Variants in GTPBP8 observed in about 807,000 individuals in gnomAD.
GTPBP8 encodes the protein GTP-binding protein 8.
Under a neutral mutation model 27.3 loss-of-function variants are expected in GTPBP8, and 21 were observed. The observed-to-expected ratio is 0.77, with a 90% CI of 0.55 to 1.11. GTPBP8 has a LOEUF of 1.11. Ranked by LOEUF, GTPBP8 falls within the 50% of genes least tolerant of loss-of-function variation. The probability of loss-of-function intolerance (pLI) is 0.00; values close to 1 mark genes in which losing one functional copy is unlikely to be tolerated. For synonymous variants in GTPBP8, 147 were observed against 135.3 expected, an observed-to-expected ratio of 1.09 and a Z score of -0.60; for missense variants, 380 against 350.8, an observed-to-expected ratio of 1.08 and a Z score of -0.67.
intron 5 of GTPBP8, among the ~76,000 whole-genome samples, chr3:113,000,203 A>G (rs1404537391): frequency 6.6e-6 from 1 of 152,180 alleles, no homozygotes; most frequent in Non-Finnish European, 1.5e-5. Context: ...AGCCTGGTCA[A>G]CATGGTGAAA....
chr3:112,992,776 C>T (rs760889792), intron 1 of GTPBP8, among the ~76,000 whole-genome samples: 1 of 152,188 alleles, frequency 6.6e-6, no homozygotes, highest in Non-Finnish European at 1.5e-5. Context: ...AATCCCAACT[C>T]CTTCACTTTC....
intron 2 of GTPBP8, among the ~76,000 whole-genome samples, chr3:112,994,555 A>G (rs1933749166): frequency 6.6e-6 from 1 of 152,208 alleles, no homozygotes; most frequent in Non-Finnish European, 1.5e-5. Flanking sequence ...ATGTTTTGTA[A>G]TTATCATGTT....
At chr3:112,995,084 G>C (rs2107367882) in intron 2 of GTPBP8, 51 bp from the exon 3 acceptor site, 2 of 1,362,472 alleles carry the variant, frequency 1.5e-6, no homozygotes, top group Non-Finnish European at 2.0e-6. Flanking sequence ...TCATTAACTA[G>C]ATGGAGGACA....
chr3:112,996,699 T>G (rs996603626), intron 3 of GTPBP8, among the ~76,000 whole-genome samples, 193 bp from the exon 4 acceptor site: 2 of 152,188 alleles, frequency 1.3e-5, no homozygotes, highest in African/African-American at 4.8e-5. Context: ...TTATTGAAAG[T>G]AAATAGCATT....
At position 113,000,874 on chromosome 3, in the gene GTPBP8, C is replaced by G; in HGVS notation, c.810C>G (p.His270Gln). 2.5e-6 allele frequency: 4 copies of G among 1,601,992 alleles called. No homozygotes were observed. Among genetic ancestry groups the G allele is most frequent in the Non-Finnish European group, 3.4e-6 (4 of 1,170,228 alleles). Residue 270 changes from histidine (H) to glutamine (Q), a missense_variant, in exon 6 of 6, where the codon CAC becomes CAG. Coordinates refer to ENST00000383678, the MANE Select transcript of GTPBP8 (RefSeq NM_014170.4). ...GTGCTGTGACCTTTTCTGGAATCCA[C>G]CTGTTGAGATGCTTTATAGCCAGTG... is the stretch of plus-strand genomic sequence containing the variant. ...PVSAVTFSGI[H>Q]LLRCFIASVT...
intron 1 of GTPBP8, chr3:112,991,639 A>G (rs1933683314): frequency 3.5e-6 from 2 of 570,500 alleles, no homozygotes. Flanking sequence ...GAATGAATAT[A>G]GAAGACTTCA....
rs556707691 is a variant in GTPBP8, at chr3:112,990,995, G to A, written c.-5G>A. 27 of 1,586,842 alleles carry A rather than the reference G, an allele frequency of 1.7e-5. No individual in the cohort carries two copies. The highest frequency in any genetic ancestry group is 1.2e-4 in the African/African-American group (9 of 74,262). On this transcript the variant is annotated 5_prime_UTR_variant, in exon 1 of 6. Transcript: ENST00000383678. ...ATCTCTCTGCCCGTCTTCTGGGAAG[G>A]GAGAATGGCGGCGCCCGGGCTGCGG...
Position 112,996,904 on chromosome 3 carries a change from A to T in GTPBP8, c.579A>T (p.Thr193=). The T allele has an allele frequency of 1.3e-6, 2 of 1,516,814 alleles. No homozygotes were observed. The highest frequency in any genetic ancestry group is 1.8e-6 in the Non-Finnish European group (2 of 1,092,568). 94.0% of individuals were successfully genotyped at this position (1,516,814 alleles called of 1,614,324 possible). The part of the protein sequence containing the change: ...YLKERRNLKR[T]FLLVDSVVGI... The stretch of plus-strand genomic sequence containing the variant: ...TACATGCTTATAGCTTGAAGAGAAC[A>T]TTTTTATTAGTGGATAGCGTTGTTG... The change falls in exon 4 of 6, where the codon ACA becomes ACT. Residue 193 remains threonine (T), a synonymous_variant. Coordinates refer to ENST00000383678, the MANE Select transcript of GTPBP8 (RefSeq NM_014170.4).
At position 112,991,203 on chromosome 3, in the gene GTPBP8, G is replaced by A; in HGVS notation, c.204G>A (p.Leu68=). Residue 68 remains leucine (L), a synonymous_variant, in exon 1 of 6, where the codon CTG becomes CTA. Coordinates refer to ENST00000383678, the MANE Select transcript of GTPBP8 (RefSeq NM_014170.4). The stretch of plus-strand genomic sequence containing the variant: ...CCTACGGGAGGCAAGACCTTCACCT[G>A]CGTATCTTTGACCCAAGCCCGGAGG... ...LAPYGRQDLH[L]RIFDPSPEDI... The A allele has an allele frequency of 1.2e-6, 2 of 1,614,200 alleles. No individual in the cohort carries two copies. Among genetic ancestry groups the A allele is most frequent in the Non-Finnish European group, 1.7e-6 (2 of 1,180,038 alleles).
rs1933790113 is a variant in GTPBP8 at position 112,996,497 on chromosome 3, TAA to T, written c.567-394_567-393del. Among the ~76,000 whole-genome samples the T allele has an allele frequency of 3.9e-5, 6 of 152,136 alleles. No individual in the cohort carries two copies. The South Asian group carries it at 8.3e-4, about 21-fold the overall frequency. Reference sequence around the variant, plus strand: ...AAAAAAAAAATTTATAACTTATGGTTAATTTTTTATAATTTATGGTTCCTATA... The same window carrying T: ...AAAAAAAAAATTTATAACTTATGGTTTTTTTTATAATTTATGGTTCCTATA... On this transcript the variant is annotated intron_variant, in intron 3 of 5. Transcript: ENST00000383678.
At chr3:112,994,194 C>T (rs1933740798) in intron 2 of GTPBP8, among the ~76,000 whole-genome samples, 2 of 152,124 alleles carry the variant, frequency 1.3e-5, no homozygotes, top group Non-Finnish European at 2.9e-5. Context: ...GAGGCCGAGG[C>T]TGGCCAATCA....
chr3:112,991,127 A>C lies in GTPBP8; in HGVS notation c.128A>C (p.Gln43Pro), dbSNP rs760582839. Residue 43 changes from glutamine to proline, a missense_variant, in exon 1 of 6, where the codon CAG (glutamine) becomes CCG (proline). Physicochemically the swap from Gln to Pro is moderately conservative, Grantham distance 76. Transcript: ENST00000383678. The part of the protein sequence containing the change: ...FAEVLRLPKQ[Q>P]LRKLLYPLQE... ...GAGGTGCTGCGGCTGCCGAAGCAGC[A>C]GCTGAGGAAGCTGCTGTACCCGCTG... 8.7e-6 allele frequency: 14 copies of C among 1,613,790 alleles called. No homozygotes were observed. The Admixed American group carries it at 2.3e-4, about 27-fold the overall frequency.
At chr3:112,996,841 G>T in intron 3 of GTPBP8, 51 bp from the exon 4 acceptor site, 1 of 806,412 alleles carries the variant, frequency 1.2e-6, no homozygotes, top group South Asian at 1.4e-5. Flanking sequence ...GGGGATAAAT[G>T]AATGGGTATA....
At position 112,999,549 on chromosome 3, in the gene GTPBP8, AGTT is replaced by A. The variant is rs1385885029; in HGVS notation, c.774_776del (p.Leu258del). On this transcript the variant is annotated inframe_deletion, in exon 5 of 6. Transcript: ENST00000383678. Reference sequence around the variant, plus strand: ...ATGAAAACTCAAGGATGTTTTCCTCAGTTGTTTCCTGTAAGGTAAGAGTTGAAT... The same window carrying A: ...ATGAAAACTCAAGGATGTTTTCCTCAGTTTCCTGTAAGGTAAGAGTTGAAT... The A allele has an allele frequency of 7.3e-7, 1 of 1,374,590 alleles. No individual in the cohort carries two copies. Among genetic ancestry groups the A allele is most frequent in the East Asian group, 2.3e-5 (1 of 42,844 alleles). The allele number at this position is 1,374,590 out of a possible 1,614,324, so 85.1% of individuals were successfully genotyped here. A position where few individuals can be genotyped will look rare whatever the true frequency, so the allele number is the denominator to read the frequency against.
rs556771024 is a variant in GTPBP8, at chr3:112,991,382, C to G, written c.336+47C>G. Reference sequence around the variant, plus strand: ...TCACCTGCGCGCCGGCGTCACAGCGCTAACCGCTTCCCTGGCCGTCCGGCT... The same window carrying G: ...TCACCTGCGCGCCGGCGTCACAGCGGTAACCGCTTCCCTGGCCGTCCGGCT... On this transcript the variant is annotated intron_variant, in intron 1 of 5. Coordinates refer to ENST00000383678, the MANE Select transcript of GTPBP8 (RefSeq NM_014170.4). The G allele has an allele frequency of 5.1e-6, 8 of 1,555,446 alleles. No individual in the cohort carries two copies. In the African/African-American group the frequency reaches 5.4e-5, roughly 11 times the overall value.
intron 4 of GTPBP8, among the ~76,000 whole-genome samples, chr3:112,998,823 A>C (rs904459620): frequency 1.3e-5 from 2 of 152,228 alleles, no homozygotes; most frequent in African/African-American, 4.8e-5. Flanking sequence ...TATGACTAAA[A>C]AGCATGATTT....
chr3:112,995,019 G>T lies in GTPBP8; in HGVS notation c.436-116G>T, dbSNP rs963624443. 4.0e-5 allele frequency: 29 copies of T among 733,626 alleles called. No homozygotes were observed. The African/African-American group carries it at 5.0e-4, about 13-fold the overall frequency. The allele number at this position is 733,626 out of a possible 1,614,324, so 45.4% of individuals were successfully genotyped here. On this transcript the variant is annotated intron_variant, in intron 2 of 5. Coordinates refer to ENST00000383678, the MANE Select transcript of GTPBP8 (RefSeq NM_014170.4). Reference sequence around the variant, plus strand: ...CTGTGTCATCATCAGCATAGTTAAGGTTATATACTTGGCTTTTAATAAATA... The same window carrying T: ...CTGTGTCATCATCAGCATAGTTAAGTTTATATACTTGGCTTTTAATAAATA...
At chr3:112,996,770 A>C in intron 3 of GTPBP8, 122 bp from the exon 4 acceptor site, 5 of 632,998 alleles carry the variant, frequency 7.9e-6, no homozygotes, top group Non-Finnish European at 1.1e-5. Context: ...TGCCTAAAGA[A>C]ATGTTTTAAT....
intron 1 of GTPBP8, chr3:112,992,610 T>C (rs750483518): frequency 4.5e-5 from 7 of 156,260 alleles, no homozygotes; most frequent in Non-Finnish European, 8.5e-5. Flanking sequence ...CTTCCAAACA[T>C]GTAGTTGTAC....
Sources: gnomAD v4.1 joint callset for allele counts (sites outside exome capture counted in the v4.1 genomes callset) on GRCh38, gnomAD v4.1.1 for gene constraint, MANE v1.5 for transcripts, NCBI Gene and HGNC (gene_info 2026-07-23, HGNC 2026-07-21) for gene names.